The following TBK1 variants were observed in gnomAD, a reference collection of about 807,000 sequenced individuals.
TBK1 encodes the protein TANK binding kinase 1.
A neutral mutation model predicts 99.9 loss-of-function variants in TBK1; 37 were observed. That is an observed-to-expected ratio of 0.37 (90% CI 0.28 to 0.49). The LOEUF is 0.49. TBK1 is among the 20% of genes least tolerant of loss of function. The pLI is 0.98. For missense variants in TBK1, 644 were observed against 872.5 expected, an observed-to-expected ratio of 0.74 and a Z score of 3.30; for synonymous variants, 258 against 279.8, an observed-to-expected ratio of 0.92 and a Z score of 0.78.
At chr12:64,500,546 G>A (rs1012809845) in intron 20 of TBK1, among the ~76,000 whole-genome samples, 34 of 151,800 alleles carry the variant, frequency 2.2e-4, no homozygotes, top group Admixed American at 1.7e-3. Flanking sequence ...TGATGTAATC[G>A]TATGACTTCT....
chr12:64,462,596 T>C (rs1470048000), intron 3 of TBK1, among the ~76,000 whole-genome samples: 1 of 152,198 alleles, frequency 6.6e-6, no homozygotes, highest in Non-Finnish European at 1.5e-5. Context: ...CAGTTTTTTT[T>C]TTCTACTATG....
At chr12:64,483,419 C>A (rs553803961) in intron 8 of TBK1, among the ~76,000 whole-genome samples, 1 of 152,136 alleles carries the variant, frequency 6.6e-6, no homozygotes, top group Admixed American at 6.6e-5. Flanking sequence ...GTCTTTTCCC[C>A]CGAAGCATCA....
chr12:64,474,548 A>G (rs1217554680), intron 6 of TBK1, among the ~76,000 whole-genome samples, 158 bp downstream of exon 6: 1 of 152,230 alleles, frequency 6.6e-6, no homozygotes, highest in East Asian at 1.9e-4. Flanking sequence ...CAGCCTTATA[A>G]AAGTTTGCAT....
intron 4 of TBK1, among the ~76,000 whole-genome samples, chr12:64,466,569 G>GT (rs2040606613): frequency 1.3e-5 from 2 of 151,880 alleles, no homozygotes. Flanking sequence ...TTATTTTTAT[G>GT]TTTAAACAGA....
chr12:64,462,491 A>G (rs2040557680), intron 3 of TBK1, among the ~76,000 whole-genome samples: 1 of 152,212 alleles, frequency 6.6e-6, no homozygotes, highest in Admixed American at 6.5e-5. Flanking sequence ...CTGAAAGAAA[A>G]TACGCCAAAA....
rs187736287 is a variant in TBK1, at chr12:64,490,822, T to G, written c.1521+703T>G. 2.6e-4 allele frequency among the ~76,000 whole-genome samples: 39 copies of G among 151,860 alleles called. 1 individual carries two copies. The highest frequency in any genetic ancestry group is 8.7e-4 in the African/African-American group (36 of 41,400). On this transcript the variant is annotated intron_variant, in intron 13 of 20. Coordinates refer to ENST00000331710, the MANE Select transcript of TBK1 (RefSeq NM_013254.4). ...CTGTAATCCCAGCTACTTGGGAGGC[T>G]GAGGCAGGAGAATTGCTTGAACCCA...
At chr12:64,478,877 T>A (rs1010731404) in intron 6 of TBK1, among the ~76,000 whole-genome samples, 1 of 152,228 alleles carries the variant, frequency 6.6e-6, no homozygotes, top group Admixed American at 6.5e-5. Flanking sequence ...CATTTCTTGC[T>A]GCCCTAAAAA....
intron 20 of TBK1, among the ~76,000 whole-genome samples, chr12:64,498,955 C>CAAAA (rs200634833): frequency 1.9e-4 from 20 of 104,638 alleles, no homozygotes; most frequent in Non-Finnish European, 3.0e-4. Context: ...GACCCTGTTT[C>CAAAA]AAAAAAAAAA....
chr12:64,497,493 G>GT (rs1247055357), intron 18 of TBK1, among the ~76,000 whole-genome samples, 155 bp from the exon 19 acceptor site: 2 of 152,012 alleles, frequency 1.3e-5, no homozygotes, highest in African/African-American at 4.8e-5. Flanking sequence ...GTTGATTTAA[G>GT]TATTGTATCA....
At chr12:64,486,073 T>C in intron 11 of TBK1, 56 bp downstream of exon 11, 1 of 1,252,158 alleles carries the variant, frequency 8.0e-7, no homozygotes, top group Admixed American at 2.3e-5. Context: ...TGCCCCATCA[T>C]TGATATTTTC....
intron 3 of TBK1, among the ~76,000 whole-genome samples, chr12:64,462,828 C>G (rs1001666711): frequency 6.6e-6 from 1 of 151,940 alleles, no homozygotes; most frequent in South Asian, 2.1e-4. Context: ...TCTTTTTCCC[C>G]GTAATGCTGT....
chr12:64,464,142 G>A (rs1288986106), intron 3 of TBK1, among the ~76,000 whole-genome samples, 192 bp from the exon 4 acceptor site: 2 of 152,106 alleles, frequency 1.3e-5, no homozygotes, highest in African/African-American at 4.8e-5. Flanking sequence ...GATTACAGGC[G>A]TGAGCCACCA....
intron 8 of TBK1, chr12:64,484,057 G>T (rs2040794585): frequency 3.8e-6 from 1 of 261,986 alleles, no homozygotes; most frequent in Non-Finnish European, 7.1e-6. Context: ...ACAGAGGAAA[G>T]AAAATATTAA....
rs373705051 is a variant in TBK1, at chr12:64,480,097, A to G, written c.787A>G (p.Met263Val). ...ENGPIDWSGD[M>V]PVSCSLSRGL... ...TGGACCAATTGACTGGAGTGGAGACATGCCTGTTTCTTGCAGTCTTTCTCG... is the reference window on the plus strand; with the variant it reads ...TGGACCAATTGACTGGAGTGGAGACGTGCCTGTTTCTTGCAGTCTTTCTCG... The change falls in exon 7 of 21, where the codon ATG becomes GTG. Residue 263 changes from methionine to valine, a missense_variant. Met to Val is a conservative substitution (Grantham distance 21). Coordinates refer to ENST00000331710, the MANE Select transcript of TBK1 (RefSeq NM_013254.4). The G allele has an allele frequency of 5.0e-6, 8 of 1,612,706 alleles. No individual in the cohort carries two copies. The highest frequency in any genetic ancestry group is 8.5e-7 in the Non-Finnish European group (1 of 1,179,268).
chr12:64,478,296 A>T (rs543141311), intron 6 of TBK1, among the ~76,000 whole-genome samples: 1 of 152,222 alleles, frequency 6.6e-6, no homozygotes, highest in South Asian at 2.1e-4. Flanking sequence ...GATTACAGGC[A>T]CCCACCACCA....
At chr12:64,480,277 C>T (rs1266056183) in intron 7 of TBK1, among the ~76,000 whole-genome samples, 155 bp downstream of exon 7, 1 of 152,004 alleles carries the variant, frequency 6.6e-6, no homozygotes, top group Non-Finnish European at 1.5e-5. Context: ...TTTTTGTCTT[C>T]GTGGTGGTGA....
At chr12:64,498,904 C>A (rs1217963635) in intron 20 of TBK1, among the ~76,000 whole-genome samples, 1 of 148,788 alleles carries the variant, frequency 6.7e-6, no homozygotes, top group Non-Finnish European at 1.5e-5. Flanking sequence ...TGCAGTCAGC[C>A]GAGATCACAC....
chr12:64,463,427 G>A (rs371223716), intron 3 of TBK1, among the ~76,000 whole-genome samples: 1 of 151,706 alleles, frequency 6.6e-6, no homozygotes, highest in African/African-American at 2.4e-5. Context: ...GACTGGGTGT[G>A]GTAGCTCATG....
intron 13 of TBK1, among the ~76,000 whole-genome samples, chr12:64,491,655 T>C (rs2040871273): frequency 6.6e-6 from 1 of 152,126 alleles, no homozygotes; most frequent in African/African-American, 2.4e-5. Context: ...ATTGTAATCT[T>C]GCAAGCTTTT....
Sources: allele counts gnomAD v4.1 joint callset (sites outside exome capture counted in the v4.1 genomes callset), GRCh38; gene constraint gnomAD v4.1.1; transcripts MANE v1.5; gene names NCBI Gene and HGNC (gene_info 2026-07-23, HGNC 2026-07-21).